RBFOX1: variants seen among roughly 807,000 people sequenced by gnomAD.
RBFOX1 encodes RNA binding fox-1 homolog 1.
RBFOX1 carries 8 observed loss-of-function variants against 57.7 expected under a neutral mutation model. That is an observed-to-expected ratio of 0.14 (90% CI 0.08 to 0.25). RBFOX1 has a LOEUF of 0.25. Among genes scored for constraint, RBFOX1 ranks in the 10% least tolerant of loss-of-function variants. The pLI, the probability that RBFOX1 is intolerant of heterozygous loss-of-function variation, is 1.00. For synonymous variants in RBFOX1, 326 were observed against 222.4 expected (o/e 1.47, Z -4.15); for missense variants, 611 against 548.5 (o/e 1.11, Z -1.14).
intron 2 of RBFOX1, among the ~76,000 whole-genome samples, chr16:6,556,182 A>G (rs780901364): frequency 1.3e-5 from 2 of 152,166 alleles, no homozygotes; most frequent in Admixed American, 1.3e-4. Flanking sequence ...CGTGGGCGGC[A>G]TTGACTTCCC....
chr16:7,055,394 C>T (rs2051807935), intron 4 of RBFOX1, among the ~76,000 whole-genome samples: 1 of 152,112 alleles, frequency 6.6e-6, no homozygotes, highest in South Asian at 2.1e-4. Context: ...CTCCCAGTTC[C>T]AGGGTTGATT....
chr16:7,109,237 C>A (rs1038455528), intron 4 of RBFOX1, among the ~76,000 whole-genome samples: 1 of 152,094 alleles, frequency 6.6e-6, no homozygotes, highest in Non-Finnish European at 1.5e-5. Context: ...CTAATGTTAA[C>A]CTTGGGACCT....
rs563466619 is a variant in RBFOX1, at chr16:5,867,356, G to C, written c.351+21G>C. On this transcript the variant is annotated intron_variant, in intron 4 of 19. Transcript: ENST00000641259. ...CTGAGGTAGGAAACGTGGTTTTTCT[G>C]TCCCTTTAGAAGATAGTTTGAAGTG... is the stretch of plus-strand genomic sequence containing the variant. The C allele has an allele frequency of 7.5e-5, 89 of 1,179,688 alleles. No homozygotes were observed. The Middle Eastern group carries it at 9.6e-4, about 13-fold the overall frequency. The allele number at this position is 1,179,688 out of a possible 1,614,324, so 73.1% of individuals were successfully genotyped here.
chr16:6,160,130 A>T (rs919197155), intron 1 of RBFOX1, among the ~76,000 whole-genome samples: 3 of 152,244 alleles, frequency 2.0e-5, no homozygotes, highest in South Asian at 2.1e-4. Context: ...TACAGGGTTT[A>T]TAAGGTAATG....
At chr16:6,718,759 C>T (rs935745782) in intron 3 of RBFOX1, among the ~76,000 whole-genome samples, 1 of 152,174 alleles carries the variant, frequency 6.6e-6, no homozygotes, top group Non-Finnish European at 1.5e-5. Context: ...AGCAAAATCC[C>T]AAATGAGTTA....
At chr16:6,811,226 G>A (rs376124269) in intron 3 of RBFOX1, among the ~76,000 whole-genome samples, 1 of 152,056 alleles carries the variant, frequency 6.6e-6, no homozygotes, top group Non-Finnish European at 1.5e-5. Flanking sequence ...AATAATATAG[G>A]CAGGAAAAAT....
chr16:7,286,448 AT>A (rs940492155), intron 4 of RBFOX1, among the ~76,000 whole-genome samples: 5,305 of 121,822 alleles, frequency 0.044, 135 homozygotes, highest in African/African-American at 0.1. Context: ...ATACTTTCTT[AT>A]TTTTTTTTTT....
intron 2 of RBFOX1, among the ~76,000 whole-genome samples, chr16:6,337,565 G>T (rs1484685622): frequency 6.6e-6 from 1 of 152,170 alleles, no homozygotes; most frequent in Non-Finnish European, 1.5e-5. Flanking sequence ...ACACCTGGAT[G>T]CCACATTCTT....
chr16:5,334,697 C>T (rs2064851200), intron 1 of RBFOX1, among the ~76,000 whole-genome samples: 1 of 151,802 alleles, frequency 6.6e-6, no homozygotes, highest in African/African-American at 2.4e-5. Context: ...AACGATTGTT[C>T]TCTTTACAAT....
intron 3 of RBFOX1, among the ~76,000 whole-genome samples, chr16:6,899,196 C>T (rs560149076): frequency 2.0e-5 from 3 of 148,210 alleles, no homozygotes; most frequent in East Asian, 3.9e-4. Context: ...TGTGTGAGTG[C>T]ATATGTGTGT....
chr16:6,865,913 A>C (rs1002717967), intron 3 of RBFOX1, among the ~76,000 whole-genome samples: 2 of 152,198 alleles, frequency 1.3e-5, no homozygotes, highest in Non-Finnish European at 2.9e-5. Flanking sequence ...TTGAAACATT[A>C]CATGAAAAAG....
At chr16:7,395,786 A>G (rs1169895514) in intron 4 of RBFOX1, among the ~76,000 whole-genome samples, 3 of 152,230 alleles carry the variant, frequency 2.0e-5, no homozygotes, top group Non-Finnish European at 4.4e-5. Context: ...TTTGGCGTAC[A>G]TATTTACCCT....
In RBFOX1 at chr16:6,193,382, T is replaced by TA. The variant is rs1567650853; in HGVS notation, c.-126-123612dup. Among the ~76,000 whole-genome samples, 224 of 61,950 alleles carry TA rather than the reference T, an allele frequency of 3.6e-3. 6 individuals are homozygous for TA. Among genetic ancestry groups the TA allele is most frequent in the African/African-American group, 0.012 (211 of 17,424 alleles). 40.6% of individuals were successfully genotyped at this position (61,950 alleles called of 152,430 possible). A position where few individuals can be genotyped will look rare whatever the true frequency, so the allele number is the denominator to read the frequency against. The stretch of plus-strand genomic sequence containing the variant: ...TATATATATATATATATATACATTA[T>TA]ATATATATACTATATATATATATAT... On this transcript the variant is annotated intron_variant, in intron 1 of 15. Transcript: ENST00000550418.
intron 3 of RBFOX1, among the ~76,000 whole-genome samples, chr16:6,805,644 C>A (rs373930201): frequency 5.5e-4 from 83 of 150,020 alleles, no homozygotes; most frequent in African/African-American, 2.0e-3. Context: ...AGGATGTTTA[C>A]AAGGAGGGAA....
At chr16:5,495,619 A>C (rs903706580) in intron 2 of RBFOX1, among the ~76,000 whole-genome samples, 3 of 152,194 alleles carry the variant, frequency 2.0e-5, no homozygotes, top group Admixed American at 1.3e-4. Context: ...GCTGGCTAAG[A>C]CCAACGGGAC....
chr16:6,964,371 G>A (rs919782378), intron 3 of RBFOX1, among the ~76,000 whole-genome samples: 2 of 152,114 alleles, frequency 1.3e-5, no homozygotes, highest in Admixed American at 6.5e-5. Flanking sequence ...CTGTAATGGT[G>A]GATCTGTGTC....
At chr16:6,268,285 G>A (rs1201368448) in intron 1 of RBFOX1, among the ~76,000 whole-genome samples, 1 of 152,164 alleles carries the variant, frequency 6.6e-6, no homozygotes, top group Non-Finnish European at 1.5e-5. Flanking sequence ...CTGCTAGCAG[G>A]TATGGAGCAG....
chr16:7,402,309 C>T (rs1413949671), intron 4 of RBFOX1, among the ~76,000 whole-genome samples: 2 of 152,144 alleles, frequency 1.3e-5, no homozygotes, highest in African/African-American at 2.4e-5. Context: ...TAATAATTTC[C>T]TTTTGAAGTG....
At chr16:7,473,720 G>T (rs1306411337) in intron 4 of RBFOX1, among the ~76,000 whole-genome samples, 1 of 151,934 alleles carries the variant, frequency 6.6e-6, no homozygotes, top group African/African-American at 2.4e-5. Flanking sequence ...AGTTTCTTCT[G>T]ATTTACTAGT....
Sources: gnomAD v4.1 joint callset for allele counts (sites outside exome capture counted in the v4.1 genomes callset) on GRCh38, gnomAD v4.1.1 for gene constraint, MANE v1.5 for transcripts, NCBI Gene and HGNC (gene_info 2026-07-23, HGNC 2026-07-21) for gene names.